PCDH7: variants seen among roughly 807,000 people sequenced by gnomAD.
PCDH7 encodes the protein protocadherin-7.
In PCDH7, 17 loss-of-function variants were observed where a neutral mutation model predicts 58.9. The ratio of observed to expected loss-of-function variants is 0.29; its 90% CI spans 0.20 to 0.43. The LOEUF is 0.43. PCDH7 is among the 20% of genes least tolerant of loss of function. The pLI is 1.00. For missense variants in PCDH7, 1,274 were observed against 1,441.0 expected, an observed-to-expected ratio of 0.88 and a Z score of 1.88; for synonymous variants, 664 against 616.4, an observed-to-expected ratio of 1.08 and a Z score of -1.14.
intron 1 of PCDH7, among the ~76,000 whole-genome samples, chr4:30,815,682 A>G (rs1290150543): frequency 1.3e-5 from 2 of 152,138 alleles, no homozygotes; most frequent in Admixed American, 6.5e-5. Context: ...CACCAGTAAA[A>G]CTCTGCCATT....
At chr4:31,041,771 A>C (rs527588672) in intron 3 of PCDH7, among the ~76,000 whole-genome samples, 1 of 152,256 alleles carries the variant, frequency 6.6e-6, no homozygotes, top group Admixed American at 6.5e-5. Context: ...ATGAAGATGC[A>C]GAAATGCCAC....
intron 3 of PCDH7, among the ~76,000 whole-genome samples, chr4:30,962,467 T>C (rs751229932): frequency 2.0e-5 from 3 of 152,058 alleles, no homozygotes; most frequent in Non-Finnish European, 2.9e-5. Context: ...ATGTTTCTAA[T>C]TGAAGTGGAA....
At chr4:31,012,527 A>G (rs1578558504) in intron 3 of PCDH7, among the ~76,000 whole-genome samples, 1 of 150,564 alleles carries the variant, frequency 6.6e-6, no homozygotes, top group African/African-American at 2.4e-5. Context: ...ATTTTGTACC[A>G]ATGAGGCATA....
At chr4:31,143,001 G>T, downstream of PCDH7, 1 of 431,416 alleles carries the variant, frequency 2.3e-6, no homozygotes, top group South Asian at 2.0e-5. Flanking sequence ...CAGGCCTTTA[G>T]TGATACTGTT....
intron 3 of PCDH7, among the ~76,000 whole-genome samples, chr4:31,134,167 A>G (rs1422660023): frequency 6.6e-6 from 1 of 152,192 alleles, no homozygotes; most frequent in Non-Finnish European, 1.5e-5. Flanking sequence ...GGAGATATAA[A>G]AGAAGTAGAA....
intron 1 of PCDH7, among the ~76,000 whole-genome samples, chr4:30,776,565 A>G (rs564459070): frequency 8.9e-4 from 136 of 152,212 alleles, no homozygotes; most frequent in Non-Finnish European, 1.9e-3. Context: ...TAAATCAAGT[A>G]TATCTGTTCA....
At chr4:30,849,240 C>A (rs1277359547) in intron 1 of PCDH7, among the ~76,000 whole-genome samples, 1 of 152,228 alleles carries the variant, frequency 6.6e-6, no homozygotes, top group East Asian at 1.9e-4. Flanking sequence ...ACCTCCCTCT[C>A]CCCTCCAAAA....
intron 1 of PCDH7, among the ~76,000 whole-genome samples, chr4:30,771,525 G>A (rs929208841): frequency 6.6e-6 from 1 of 152,106 alleles, no homozygotes; most frequent in Non-Finnish European, 1.5e-5. Flanking sequence ...TGTTTCCTTG[G>A]CACCTAAAAT....
At chr4:30,844,765 A>G (rs1731688563) in intron 1 of PCDH7, among the ~76,000 whole-genome samples, 1 of 152,188 alleles carries the variant, frequency 6.6e-6, no homozygotes, top group Admixed American at 6.6e-5. Flanking sequence ...GCTGTGGTAG[A>G]TATTGGAAAG....
chr4:30,937,657 G>C (rs1303925713), intron 2 of PCDH7, among the ~76,000 whole-genome samples: 1 of 152,040 alleles, frequency 6.6e-6, no homozygotes, highest in African/African-American at 2.4e-5. Context: ...ACATTTTCAA[G>C]TTTCCTTGTT....
At chr4:30,771,215 C>A (rs1335033142) in intron 1 of PCDH7, among the ~76,000 whole-genome samples, 1 of 152,120 alleles carries the variant, frequency 6.6e-6, no homozygotes, top group Non-Finnish European at 1.5e-5. Flanking sequence ...CATAATTTTG[C>A]CCTAGCTACA....
chr4:30,760,405 G>C (rs1228604327), intron 1 of PCDH7, among the ~76,000 whole-genome samples: 2 of 152,184 alleles, frequency 1.3e-5, no homozygotes, highest in Non-Finnish European at 2.9e-5. Flanking sequence ...GAGCCAAATT[G>C]TCTTTGTTTA....
intron 1 of PCDH7, among the ~76,000 whole-genome samples, chr4:30,902,267 G>A (rs1033673034): frequency 2.0e-5 from 3 of 152,116 alleles, no homozygotes; most frequent in African/African-American, 7.2e-5. Flanking sequence ...CAGTATGTAA[G>A]TCTGTGGCCC....
intron 1 of PCDH7, among the ~76,000 whole-genome samples, chr4:30,915,148 C>T (rs1742276912): frequency 6.6e-6 from 1 of 152,090 alleles, no homozygotes; most frequent in East Asian, 1.9e-4. Context: ...TTCTTCAGTG[C>T]CAATGAAGAA....
At chr4:30,958,532 C>G (rs976057164) in intron 3 of PCDH7, among the ~76,000 whole-genome samples, 4 of 151,808 alleles carry the variant, frequency 2.6e-5, no homozygotes, top group African/African-American at 9.7e-5. Flanking sequence ...TAATAAAACT[C>G]TTAACAATCC....
At chr4:30,880,261 G>T (rs1736795824) in intron 1 of PCDH7, among the ~76,000 whole-genome samples, 1 of 149,138 alleles carries the variant, frequency 6.7e-6, no homozygotes. Flanking sequence ...ATTATCCATA[G>T]TACTGAAAAG....
intron 1 of PCDH7, among the ~76,000 whole-genome samples, chr4:30,786,972 A>G (rs565123882): frequency 1.3e-5 from 2 of 152,108 alleles, no homozygotes; most frequent in Non-Finnish European, 2.9e-5. Flanking sequence ...GCAAAAAGGA[A>G]TCAAACTGTG....
chr4:30,790,248 A>G (rs1560372744), intron 1 of PCDH7, among the ~76,000 whole-genome samples: 2 of 152,180 alleles, frequency 1.3e-5, no homozygotes, highest in Admixed American at 1.3e-4. Flanking sequence ...CGATATATTC[A>G]TTGCTCTCTT....
intron 3 of PCDH7, among the ~76,000 whole-genome samples, chr4:31,033,666 C>A (rs764126649): frequency 6.6e-6 from 1 of 152,168 alleles, no homozygotes; most frequent in African/African-American, 2.4e-5. Context: ...AGGCATTACC[C>A]GACATCCCCC....
Sources: gnomAD v4.1 joint callset for allele counts (sites outside exome capture counted in the v4.1 genomes callset) on GRCh38, gnomAD v4.1.1 for gene constraint, MANE v1.5 for transcripts, NCBI Gene and HGNC (gene_info 2026-07-23, HGNC 2026-07-21) for gene names.